Variants in KCNH7 observed in about 807,000 individuals in gnomAD.
KCNH7 encodes potassium voltage-gated channel subfamily H member 7, also known as voltage-gated inwardly rectifying potassium channel KCNH7.
A neutral mutation model predicts 120.8 loss-of-function variants in KCNH7; 49 were observed. The ratio of observed to expected loss-of-function variants is 0.41; its 90% CI spans 0.32 to 0.51. The LOEUF (loss-of-function observed/expected upper bound fraction) is 0.51. Ranked by LOEUF, KCNH7 falls within the 20% of genes least tolerant of loss-of-function variation. The pLI is 0.38. For missense variants in KCNH7, 1,097 were observed against 1,446.6 expected (o/e 0.76, Z 3.92); for synonymous variants, 547 against 516.1 (o/e 1.06, Z -0.81).
intron 2 of KCNH7, among the ~76,000 whole-genome samples, chr2:162,830,858 C>G (rs1484139405): frequency 6.6e-6 from 1 of 152,130 alleles, no homozygotes; most frequent in East Asian, 1.9e-4. Flanking sequence ...CCTGCTGATG[C>G]CTTGATCTTG....
intron 9 of KCNH7, among the ~76,000 whole-genome samples, chr2:162,413,286 G>A (rs899862982): frequency 1.3e-5 from 2 of 151,914 alleles, no homozygotes; most frequent in Non-Finnish European, 2.9e-5. Context: ...CTGCCACCAC[G>A]ACCAGCTAAT....
At chr2:162,832,111 T>G (rs1685501212) in intron 2 of KCNH7, among the ~76,000 whole-genome samples, 1 of 152,148 alleles carries the variant, frequency 6.6e-6, no homozygotes, top group African/African-American at 2.4e-5. Flanking sequence ...TTACTGTTGT[T>G]GCAATAGTCT....
intron 2 of KCNH7, among the ~76,000 whole-genome samples, chr2:162,692,345 T>C (rs553832501): frequency 6.6e-6 from 1 of 152,242 alleles, no homozygotes; most frequent in East Asian, 1.9e-4. Flanking sequence ...CAGGATGATC[T>C]CCTACCCACC....
intron 9 of KCNH7, 180 bp downstream of exon 9, chr2:162,423,156 T>C: frequency 7.7e-7 from 1 of 1,305,208 alleles, no homozygotes; most frequent in Non-Finnish European, 1.1e-6. Context: ...TATAACTAGA[T>C]ATAGCACCAT....
intron 2 of KCNH7, among the ~76,000 whole-genome samples, chr2:162,731,325 A>G (rs1346355124): frequency 6.7e-6 from 1 of 150,328 alleles, no homozygotes; most frequent in African/African-American, 2.4e-5. Context: ...TGATATACAC[A>G]AAAAAATTTT....
intron 14 of KCNH7, among the ~76,000 whole-genome samples, chr2:162,376,268 A>G (rs1374625947): frequency 6.6e-6 from 1 of 152,202 alleles, no homozygotes; most frequent in African/African-American, 2.4e-5. Flanking sequence ...GCTCAATGCC[A>G]TACTAGAGGC....
At chr2:162,548,195 G>A (rs1229174346) in intron 2 of KCNH7, among the ~76,000 whole-genome samples, 1 of 152,188 alleles carries the variant, frequency 6.6e-6, no homozygotes, top group Non-Finnish European at 1.5e-5. Context: ...AGTTGGCAGT[G>A]TCATGTTTAG....
chr2:162,664,680 T>G (rs1356626158), intron 2 of KCNH7, among the ~76,000 whole-genome samples: 1 of 152,178 alleles, frequency 6.6e-6, no homozygotes. Flanking sequence ...AAGGTATTAG[T>G]TATTCCATAT....
intron 6 of KCNH7, among the ~76,000 whole-genome samples, chr2:162,469,335 C>T (rs1454508208): frequency 1.3e-5 from 2 of 152,164 alleles, no homozygotes; most frequent in African/African-American, 2.4e-5. Context: ...ATGCTTTTGA[C>T]CCTGTACCAG....
At chr2:162,377,282 G>T (rs1392299689) in intron 14 of KCNH7, among the ~76,000 whole-genome samples, 1 of 151,548 alleles carries the variant, frequency 6.6e-6, no homozygotes, top group African/African-American at 2.4e-5. Context: ...AAAAAAGTGT[G>T]AAAATATCAC....
At chr2:162,815,299 A>T (rs139768396) in intron 2 of KCNH7, among the ~76,000 whole-genome samples, 2,495 of 152,320 alleles carry the variant, frequency 0.016, 62 homozygotes, top group African/African-American at 0.052. Context: ...ACAAATAGAT[A>T]TAAGTAATCA....
chr2:162,526,770 C>T (rs1691720438), intron 3 of KCNH7, among the ~76,000 whole-genome samples: 1 of 151,990 alleles, frequency 6.6e-6, no homozygotes, highest in South Asian at 2.1e-4. Context: ...ACACAATCAT[C>T]ACAGCGTCCT....
At chr2:162,746,811 TA>T (rs1242525682) in intron 2 of KCNH7, among the ~76,000 whole-genome samples, 1 of 152,106 alleles carries the variant, frequency 6.6e-6, no homozygotes, top group Non-Finnish European at 1.5e-5. Flanking sequence ...GACAGCATTG[TA>T]AAAATTAAAA....
chr2:162,720,309 A>G (rs7597288), intron 2 of KCNH7, among the ~76,000 whole-genome samples: 8 of 140,166 alleles, frequency 5.7e-5, no homozygotes, highest in African/African-American at 2.5e-4. Flanking sequence ...TAAAAAAAAA[A>G]AAAAAAAAAA....
intron 2 of KCNH7, among the ~76,000 whole-genome samples, chr2:162,715,622 C>A (rs1255465676): frequency 2.6e-5 from 4 of 152,060 alleles, no homozygotes; most frequent in African/African-American, 9.7e-5. Flanking sequence ...ATTTGCTGGG[C>A]CAATGGTACG....
chr2:162,773,459 G>A (rs1010105748), intron 2 of KCNH7, among the ~76,000 whole-genome samples: 1 of 152,180 alleles, frequency 6.6e-6, no homozygotes, highest in Non-Finnish European at 1.5e-5. Context: ...CTGCACTCCA[G>A]CCTCCTCGGC....
At position 162,432,183 on chromosome 2, in the gene KCNH7, C is replaced by G. The variant is rs116215907; in HGVS notation, c.1954+3015G>C. On this transcript the variant is annotated intron_variant, in intron 8 of 15. Transcript: ENST00000332142. ...GCAGATGACCCCTATAAAGTGTTTACTATTAGTTTTAATCGCAAAATGGTT... is the reference window on the plus strand; with the variant it reads ...GCAGATGACCCCTATAAAGTGTTTAGTATTAGTTTTAATCGCAAAATGGTT... Among the ~76,000 whole-genome samples the G allele has an allele frequency of 1.7e-3, 263 of 151,996 alleles. 1 individual carries two copies. The highest frequency in any genetic ancestry group is 5.9e-3 in the African/African-American group (244 of 41,490).
chr2:162,484,333 T>C (rs1367877710), intron 6 of KCNH7, among the ~76,000 whole-genome samples: 1 of 151,984 alleles, frequency 6.6e-6, no homozygotes, highest in Non-Finnish European at 1.5e-5. Flanking sequence ...TCTGGGGAAG[T>C]GTACAGGTCT....
intron 2 of KCNH7, among the ~76,000 whole-genome samples, chr2:162,662,658 G>A (rs918460937): frequency 1.3e-5 from 2 of 152,112 alleles, no homozygotes; most frequent in African/African-American, 4.8e-5. Flanking sequence ...TTCCTTTAGA[G>A]GTCCTCTGTG....
Sources: gnomAD v4.1 joint callset for allele counts (sites outside exome capture counted in the v4.1 genomes callset) on GRCh38, gnomAD v4.1.1 for gene constraint, MANE v1.5 for transcripts, NCBI Gene and HGNC (gene_info 2026-07-23, HGNC 2026-07-21) for gene names.